CFAP276: variants seen among roughly 807,000 people sequenced by gnomAD.
The protein encoded by CFAP276 is cilia and flagella associated protein 276, also known as cilia- and flagella-associated protein 276.
At chr1:109,112,409 C>G in the CFAP276 span, among the ~76,000 whole-genome samples, 1 of 152,214 alleles carries the variant, frequency 6.6e-6, no homozygotes, top group Non-Finnish European at 1.5e-5. Flanking sequence ...CTTTCCTCTG[C>G]TCAAAAACGC....
the CFAP276 span, among the ~76,000 whole-genome samples, chr1:109,108,674 C>T: frequency 5.3e-5 from 8 of 152,256 alleles, no homozygotes; most frequent in African/African-American, 1.9e-4. Context: ...GTGAGACATT[C>T]TAATGCAAAT....
At chr1:109,113,425 A>AGAGAG in the CFAP276 span, among the ~76,000 whole-genome samples, 2 of 66,894 alleles carry the variant, frequency 3.0e-5, no homozygotes, top group South Asian at 6.5e-4. Flanking sequence ...AAAGAGAGAG[A>AGAGAG]GAGAGAGAGA....
the CFAP276 span, chr1:109,112,515 T>C: frequency 1.3e-6 from 2 of 1,516,796 alleles, no homozygotes; most frequent in African/African-American, 1.4e-5. Context: ...CAGAGTCCTT[T>C]ATGTTACCAT....
the CFAP276 span, chr1:109,106,663 G>T: frequency 6.2e-7 from 1 of 1,613,746 alleles, no homozygotes; most frequent in Non-Finnish European, 8.5e-7. Flanking sequence ...CTTGGTTCTA[G>T]AAGAAGGCAT....
At chr1:109,112,518 G>C in the CFAP276 span, 1 of 1,521,394 alleles carries the variant, frequency 6.6e-7, no homozygotes. Flanking sequence ...AGTCCTTTAT[G>C]TTACCATCTC....
At chr1:109,113,441 A>ACCCT in the CFAP276 span, among the ~76,000 whole-genome samples, 1 of 144,026 alleles carries the variant, frequency 6.9e-6, no homozygotes, top group African/African-American at 2.6e-5. Flanking sequence ...AGAGAGAGAG[A>ACCCT]GAGAGAGAGA....
the CFAP276 span, among the ~76,000 whole-genome samples, chr1:109,111,403 G>A: frequency 1.3e-5 from 2 of 151,798 alleles, no homozygotes; most frequent in Admixed American, 1.3e-4. Flanking sequence ...CCAGGAGTTC[G>A]AGGCTGCAGT....
At chr1:109,110,675 A>G in the CFAP276 span, among the ~76,000 whole-genome samples, 47 of 152,094 alleles carry the variant, frequency 3.1e-4, no homozygotes, top group Non-Finnish European at 5.7e-4. Flanking sequence ...ATTCCCTTCC[A>G]TGGCTTCAAC....
At chr1:109,107,759 G>A in the CFAP276 span, among the ~76,000 whole-genome samples, 2 of 151,854 alleles carry the variant, frequency 1.3e-5, no homozygotes, top group South Asian at 4.1e-4. Context: ...CATGGCACAT[G>A]CCTATAGTTT....
At chr1:109,113,416 A>AGAGAGAGG in the CFAP276 span, among the ~76,000 whole-genome samples, 3 of 68,040 alleles carry the variant, frequency 4.4e-5, no homozygotes, top group Non-Finnish European at 5.2e-5. Flanking sequence ...GAGAGAGAGA[A>AGAGAGAGG]AGAGAGAGAG....
At chr1:109,113,415 A>AG in the CFAP276 span, among the ~76,000 whole-genome samples, 121 of 113,774 alleles carry the variant, frequency 1.1e-3, 3 homozygotes, top group Non-Finnish European at 1.2e-3. Context: ...AGAGAGAGAG[A>AG]AAGAGAGAGA....
the CFAP276 span, among the ~76,000 whole-genome samples, chr1:109,113,456 G>GAGAGAGAGAGAGAGGC: frequency 7.1e-6 from 1 of 140,976 alleles, no homozygotes; most frequent in Non-Finnish European, 1.6e-5. Flanking sequence ...GAGAGAGAGA[G>GAGAGAGAGAGAGAGGC]AGAGAGAGAG....
the CFAP276 span, among the ~76,000 whole-genome samples, chr1:109,110,570 G>A: frequency 6.6e-6 from 1 of 152,110 alleles, no homozygotes; most frequent in Non-Finnish European, 1.5e-5. Flanking sequence ...CTCAGCTACT[G>A]TCTCAGCTCC....
At chr1:109,112,666 C>A in the CFAP276 span, 2 of 1,550,398 alleles carry the variant, frequency 1.3e-6, no homozygotes, top group Non-Finnish European at 1.7e-6. Flanking sequence ...GAAAGGGTCC[C>A]GGGTGGGAGG....
the CFAP276 span, among the ~76,000 whole-genome samples, chr1:109,111,187 C>T: frequency 2.0e-5 from 3 of 152,220 alleles, no homozygotes; most frequent in African/African-American, 7.2e-5. Flanking sequence ...TGCTATGGGG[C>T]TGGGACCCAT....
the CFAP276 span, among the ~76,000 whole-genome samples, chr1:109,109,547 T>G: frequency 7.0e-6 from 1 of 142,176 alleles, no homozygotes; most frequent in Non-Finnish European, 1.6e-5. Context: ...TTTTTTTTTT[T>G]TTTTTTTGAG....
the CFAP276 span, among the ~76,000 whole-genome samples, chr1:109,113,444 GAGA>G: frequency 8.4e-4 from 124 of 147,718 alleles, 11 homozygotes; most frequent in African/African-American, 2.8e-3. Context: ...GAGAGAGAGA[GAGA>G]GAGAGAGAGA....
the CFAP276 span, among the ~76,000 whole-genome samples, chr1:109,113,451 A>AGAGAGAGAGAGAGT: frequency 4.2e-5 from 5 of 120,458 alleles, no homozygotes; most frequent in East Asian, 1.4e-3. Context: ...AGAGAGAGAG[A>AGAGAGAGAGAGAGT]GAGAGAGAGA....
chr1:109,109,385 T>G, the CFAP276 span, among the ~76,000 whole-genome samples: 1 of 145,368 alleles, frequency 6.9e-6, no homozygotes, highest in African/African-American at 2.5e-5. Flanking sequence ...GAGGTGGAGG[T>G]TGCAGTGAGC....
Sources: gnomAD v4.1 joint callset for allele counts (sites outside exome capture counted in the v4.1 genomes callset) on GRCh38, gnomAD v4.1.1 for gene constraint, MANE v1.5 for transcripts, NCBI Gene and HGNC (gene_info 2026-07-23, HGNC 2026-07-21) for gene names.